The following FAM171A1 variants were observed in gnomAD, a reference collection of about 807,000 sequenced individuals.
FAM171A1 encodes protein FAM171A1.
In FAM171A1, 23 loss-of-function variants were observed where a neutral mutation model predicts 74.9. The ratio of observed to expected loss-of-function variants is 0.31; its 90% CI spans 0.22 to 0.44. FAM171A1 has a LOEUF of 0.44. Ranked by LOEUF, FAM171A1 falls within the 20% of genes least tolerant of loss-of-function variation. FAM171A1 has a pLI of 1.00. For synonymous variants in FAM171A1, 527 were observed against 505.7 expected (o/e 1.04, Z -0.57); for missense variants, 1,162 against 1,159.2 (o/e 1.00, Z -0.03).
At chr10:15,358,283 T>C (rs867604262) in intron 1 of FAM171A1, among the ~76,000 whole-genome samples, 14 of 152,266 alleles carry the variant, frequency 9.2e-5, no homozygotes, top group African/African-American at 3.4e-4. Context: ...TCTAGAAGCT[T>C]TTTTAAAAAG....
At chr10:15,247,065 T>A (rs10906874) in intron 5 of FAM171A1, among the ~76,000 whole-genome samples, 61,512 of 152,108 alleles carry the variant, frequency 0.4, 12,833 homozygotes, top group Admixed American at 0.51. Context: ...AGGCTGTGCA[T>A]AAAGATTTAG....
intron 3 of FAM171A1, among the ~76,000 whole-genome samples, chr10:15,263,757 A>G (rs555985351): frequency 4.9e-4 from 68 of 137,416 alleles, no homozygotes; most frequent in African/African-American, 7.0e-4. Context: ...CTATCTATCT[A>G]TCTATCTATC....
intron 1 of FAM171A1, among the ~76,000 whole-genome samples, chr10:15,306,310 C>T (rs1226055478): frequency 2.6e-5 from 4 of 151,692 alleles, no homozygotes; most frequent in Non-Finnish European, 5.9e-5. Context: ...GGAAAAAATG[C>T]TTACATCATT....
At chr10:15,323,487 AC>A (rs1835512826) in intron 1 of FAM171A1, among the ~76,000 whole-genome samples, 1 of 152,174 alleles carries the variant, frequency 6.6e-6, no homozygotes, top group Non-Finnish European at 1.5e-5. Context: ...AAATAAAAAA[AC>A]AAAATAAAGT....
At chr10:15,363,704 A>C (rs1836024572) in intron 1 of FAM171A1, among the ~76,000 whole-genome samples, 1 of 152,148 alleles carries the variant, frequency 6.6e-6, no homozygotes, top group Non-Finnish European at 1.5e-5. Flanking sequence ...CCAAGCCATC[A>C]GTGACCCCTT....
At chr10:15,307,150 C>T (rs772130375) in intron 1 of FAM171A1, among the ~76,000 whole-genome samples, 1 of 152,146 alleles carries the variant, frequency 6.6e-6, no homozygotes, top group Non-Finnish European at 1.5e-5. Context: ...AGGGCACATA[C>T]CTTGATTTGT....
At chr10:15,336,353 A>G (rs999553720) in intron 1 of FAM171A1, among the ~76,000 whole-genome samples, 1 of 150,980 alleles carries the variant, frequency 6.6e-6, no homozygotes, top group South Asian at 2.1e-4. Context: ...GGGCAGTTTT[A>G]TCATATACAA....
intron 1 of FAM171A1, among the ~76,000 whole-genome samples, chr10:15,336,328 TA>T (rs749537819): frequency 1.3e-5 from 2 of 150,006 alleles, no homozygotes; most frequent in Non-Finnish European, 3.0e-5. Flanking sequence ...TTTTTTTTTT[TA>T]AAAGGACCAA....
At chr10:15,370,317 T>C (rs115112095) in intron 1 of FAM171A1, among the ~76,000 whole-genome samples, 8,494 of 149,176 alleles carry the variant, frequency 0.057, 491 homozygotes, top group African/African-American at 0.15. Flanking sequence ...AGAAGACTCA[T>C]GGGCCGCTGA....
chr10:15,306,660 C>G (rs1424721291), intron 1 of FAM171A1, among the ~76,000 whole-genome samples: 1 of 152,206 alleles, frequency 6.6e-6, no homozygotes, highest in African/African-American at 2.4e-5. Context: ...GCCACTGAGC[C>G]TGGCATAGCC....
At chr10:15,214,652 A>G (rs945237570) in intron 7 of FAM171A1, 51 bp from the exon 8 acceptor site, 2 of 1,498,644 alleles carry the variant, frequency 1.3e-6, no homozygotes, top group East Asian at 2.4e-5. Flanking sequence ...TCTCACAATG[A>G]AAAAGTTTCA....
At chr10:15,330,557 T>C (rs145710094) in intron 1 of FAM171A1, among the ~76,000 whole-genome samples, 4 of 152,232 alleles carry the variant, frequency 2.6e-5, no homozygotes, top group African/African-American at 9.6e-5. Flanking sequence ...ATAAGTGTTG[T>C]GCAACCAATT....
chr10:15,213,629 G>A lies in FAM171A1; in HGVS notation c.1959C>T (p.Thr653=). ...ATGCGTTCTGAGGGCTCCACTCCCG[G>A]GTGCCCGCATCCTGCAGGTGCTGCT... ...ISQQHLQDAG[T]REWSPQNASM... is the part of the protein sequence containing the mutation. The change falls in exon 8 of 8, where the codon ACC becomes ACT. Residue 653 remains threonine (T), a synonymous_variant. Transcript: ENST00000378116. This position sits in a 1 kb window ranked among gnomAD's most constrained non-coding sequence, Gnocchi z 6.8. 9 of 1,614,156 alleles carry A rather than the reference G, an allele frequency of 5.6e-6. No individual in the cohort carries two copies. The highest frequency in any genetic ancestry group is 7.6e-6 in the Non-Finnish European group (9 of 1,180,022).
upstream of FAM171A1, among the ~76,000 whole-genome samples, chr10:15,374,165 G>C (rs1302755890): frequency 6.6e-6 from 1 of 152,192 alleles, no homozygotes; most frequent in Non-Finnish European, 1.5e-5. Context: ...TGGAACTTTA[G>C]GAGAAGTTTA....
rs530074254 is a variant in FAM171A1, at chr10:15,301,577, A to G, written c.98-17472T>C. Among the ~76,000 whole-genome samples, 56 of 152,262 alleles carry G rather than the reference A, an allele frequency of 3.7e-4. 2 individuals are homozygous for G. The South Asian group carries it at 4.4e-3, about 12-fold the overall frequency. On this transcript the variant is annotated intron_variant, in intron 1 of 7. Transcript: ENST00000378116. ...TCTCCCTCTAGAGCAAAGAGCAGGCATGCTTGGTGCCTCTCGGAAAAGATA... is the reference window on the plus strand; with the variant it reads ...TCTCCCTCTAGAGCAAAGAGCAGGCGTGCTTGGTGCCTCTCGGAAAAGATA...
Position 15,213,190 on chromosome 10 carries a change from C to T in FAM171A1, c.2398G>A (p.Glu800Lys), listed in dbSNP as rs540826835. 33 of 1,614,124 alleles carry T rather than the reference C, an allele frequency of 2.0e-5. 1 individual carries two copies. In the South Asian group the frequency reaches 2.7e-4, roughly 13 times the overall value. ...GGGGTACAGACCGTGGTCCCACATT[C>T]GCTACCACTCTGTTCCACGTCATCC... is the stretch of plus-strand genomic sequence containing the variant. ...YLDDVEQSGSECGTTVCTPED... is the reference protein window; with the variant it reads ...YLDDVEQSGSKCGTTVCTPED... The change falls in exon 8 of 8, where the codon GAA (glutamate) becomes AAA (lysine). Residue 800 changes from glutamate (E) to lysine (K), a missense_variant. Transcript: ENST00000378116. The surrounding 1 kb of genome is among the most constrained non-coding windows in gnomAD (Gnocchi z 6.8).
At chr10:15,237,134 C>A (rs1449829401) in intron 5 of FAM171A1, among the ~76,000 whole-genome samples, 1 of 152,086 alleles carries the variant, frequency 6.6e-6, no homozygotes. Context: ...CACAAATTTG[C>A]CACAGATAAT....
At chr10:15,278,867 C>T (rs1430933744) in intron 2 of FAM171A1, among the ~76,000 whole-genome samples, 2 of 152,142 alleles carry the variant, frequency 1.3e-5, no homozygotes, top group East Asian at 1.9e-4. Flanking sequence ...ATGACCACTT[C>T]GTAGGTAAAC....
chr10:15,300,484 A>G (rs1180736028), intron 1 of FAM171A1, among the ~76,000 whole-genome samples: 3 of 152,144 alleles, frequency 2.0e-5, no homozygotes, highest in African/African-American at 7.2e-5. Flanking sequence ...CCTGCTAGCA[A>G]CAAAAGTATT....
Sources: allele counts gnomAD v4.1 joint callset (sites outside exome capture counted in the v4.1 genomes callset), GRCh38; gene constraint gnomAD v4.1.1; non-coding constraint Gnocchi (gnomAD v3.1); transcripts MANE v1.5; gene names NCBI Gene and HGNC (gene_info 2026-07-23, HGNC 2026-07-21).